The following ETV6 variants were observed in gnomAD, a reference collection of about 807,000 sequenced individuals.
ETV6 encodes ETS variant transcription factor 6.
In ETV6, 16 loss-of-function variants were observed where a neutral mutation model predicts 51.1. That is an observed-to-expected ratio of 0.31 (90% CI 0.21 to 0.48). ETV6 has a LOEUF of 0.48. Among genes scored for constraint, ETV6 ranks in the 20% least tolerant of loss-of-function variants. The pLI is 0.99. For missense variants in ETV6, 458 were observed against 594.8 expected (o/e 0.77, Z 2.39); for synonymous variants, 240 against 224.1 (o/e 1.07, Z -0.64).
At chr12:11,838,331 C>G (rs1349996615) in intron 2 of ETV6, among the ~76,000 whole-genome samples, 1 of 152,180 alleles carries the variant, frequency 6.6e-6, no homozygotes, top group Non-Finnish European at 1.5e-5. Context: ...TCAAAGATTT[C>G]TCACAACAGC....
chr12:11,849,010 G>T (rs527809222), intron 3 of ETV6, among the ~76,000 whole-genome samples: 1 of 152,352 alleles, frequency 6.6e-6, no homozygotes, highest in South Asian at 2.1e-4. Context: ...CATTAGCTAA[G>T]TTAGATATAC....
At chr12:11,881,648 A>G (rs1369375389) in intron 5 of ETV6, among the ~76,000 whole-genome samples, 1 of 152,030 alleles carries the variant, frequency 6.6e-6, no homozygotes, top group African/African-American at 2.4e-5. Flanking sequence ...AGACCTAATC[A>G]CCTCCCAAAG....
At position 11,752,598 on chromosome 12, in the gene ETV6, A is replaced by C. The variant is rs751215241; in HGVS notation, c.163+19A>C. The C allele has an allele frequency of 6.2e-7, 1 of 1,601,624 alleles. No individual in the cohort carries two copies. The highest frequency in any genetic ancestry group is 1.7e-5 in the Admixed American group (1 of 59,844). ...CACCTGCGTGAGTGTTCGTGACCCG[A>C]GAGGGACAGAGGATTGATGGCGTGG... On this transcript the variant is annotated intron_variant, in intron 2 of 7. Transcript: ENST00000396373.
chr12:11,801,095 C>G (rs890155044), intron 2 of ETV6, among the ~76,000 whole-genome samples: 7 of 152,184 alleles, frequency 4.6e-5, no homozygotes, highest in Admixed American at 3.3e-4. Context: ...TTTGTCCTCA[C>G]TCATCCCATG....
intron 1 of ETV6, among the ~76,000 whole-genome samples, chr12:11,730,247 C>G (rs1284489565): frequency 6.6e-6 from 1 of 152,206 alleles, no homozygotes; most frequent in Admixed American, 6.5e-5. Context: ...GTCTAGGCAG[C>G]CTTTGTAGGC....
In ETV6 at chr12:11,894,277, G is replaced by A. The variant is rs75672295; in HGVS notation, c.*3231G>A. The stretch of plus-strand genomic sequence containing the variant: ...GGAGAGGAAAATGCAAAGGAGCCCT[G>A]CCGTGTGATGGATGTGCATTCTCAC... On this transcript the variant is annotated 3_prime_UTR_variant, in exon 8 of 8. Transcript: ENST00000396373. The A allele has an allele frequency of 2.3e-3, 539 of 232,918 alleles. 12 individuals are homozygous for A. The East Asian group carries it at 0.025, about 11-fold the overall frequency. 14.4% of individuals were successfully genotyped at this position (232,918 alleles called of 1,614,324 possible).
At chr12:11,786,963 C>T (rs1945495767) in intron 2 of ETV6, among the ~76,000 whole-genome samples, 1 of 152,194 alleles carries the variant, frequency 6.6e-6, no homozygotes, top group Non-Finnish European at 1.5e-5. Flanking sequence ...TGATCAAACG[C>T]TGAAATGACT....
At chr12:11,734,961 C>T (rs533117265) in intron 1 of ETV6, among the ~76,000 whole-genome samples, 7 of 152,148 alleles carry the variant, frequency 4.6e-5, no homozygotes, top group South Asian at 2.1e-4. Flanking sequence ...TGAAACCTTT[C>T]GTCTCTAAAG....
At chr12:11,760,789 C>T (rs1054968225) in intron 2 of ETV6, among the ~76,000 whole-genome samples, 4 of 151,632 alleles carry the variant, frequency 2.6e-5, no homozygotes, top group African/African-American at 7.3e-5. Flanking sequence ...TGAGGTCAAC[C>T]GTGTTTAAGA....
intron 2 of ETV6, among the ~76,000 whole-genome samples, chr12:11,759,652 T>C (rs1179119464): frequency 6.6e-6 from 1 of 152,226 alleles, no homozygotes; most frequent in Non-Finnish European, 1.5e-5. Context: ...AATACGTCTG[T>C]GGTCTTTCTC....
At position 11,813,355 on chromosome 12, in the gene ETV6, G is replaced by A. The variant is rs76969504; in HGVS notation, c.164-25785G>A. ...GGAAACCTTCCTGCCTGCAGCACAG[G>A]CAGTGTGAACTGCGGGGCTGTCTGA... On this transcript the variant is annotated intron_variant, in intron 2 of 7. Coordinates refer to ENST00000396373, the MANE Select transcript of ETV6 (RefSeq NM_001987.5). Among the ~76,000 whole-genome samples the A allele has an allele frequency of 6.3e-4, 96 of 152,282 alleles. 1 individual carries two copies. The highest frequency in any genetic ancestry group is 2.3e-3 in the African/African-American group (94 of 41,560).
At chr12:11,704,305 T>C (rs1295205795) in intron 1 of ETV6, among the ~76,000 whole-genome samples, 1 of 151,876 alleles carries the variant, frequency 6.6e-6, no homozygotes, top group South Asian at 2.1e-4. Context: ...AAGAAGGAAG[T>C]GGAGGGGATA....
At chr12:11,704,086 G>T (rs1865030539) in intron 1 of ETV6, among the ~76,000 whole-genome samples, 1 of 151,790 alleles carries the variant, frequency 6.6e-6, no homozygotes, top group Non-Finnish European at 1.5e-5. Flanking sequence ...CATGTATTTT[G>T]TCTGTTTACT....
chr12:11,701,841 G>T (rs1466388896), intron 1 of ETV6, among the ~76,000 whole-genome samples: 3 of 152,158 alleles, frequency 2.0e-5, no homozygotes, highest in East Asian at 1.9e-4. Context: ...CAAAGGAGAG[G>T]TCATATTTCA....
intron 1 of ETV6, among the ~76,000 whole-genome samples, chr12:11,738,045 G>A (rs554388312): frequency 1.1e-4 from 17 of 152,154 alleles, no homozygotes; most frequent in Non-Finnish European, 7.4e-5. Context: ...GGTTAGTCTC[G>A]GTAAGAGGTT....
rs375945066 is a variant in ETV6, at chr12:11,650,107, T to A, written c.-21T>A. 2 of 1,612,902 alleles carry A rather than the reference T, an allele frequency of 1.2e-6. No homozygotes were observed. The highest frequency in any genetic ancestry group is 1.7e-6 in the Non-Finnish European group (2 of 1,178,996). On this transcript the variant is annotated 5_prime_UTR_variant, in exon 1 of 8. An upstream open reading frame in the 5' UTR loses its in-frame stop. Transcript: ENST00000396373. ...AAGTGGAAAAAACCTGAGAACTTCCTGATCTCTCTCGCTGTGAGACATGTC... is the reference window on the plus strand; with the variant it reads ...AAGTGGAAAAAACCTGAGAACTTCCAGATCTCTCTCGCTGTGAGACATGTC...
chr12:11,752,467 T>C lies in ETV6; in HGVS notation c.51T>C (p.Tyr17=), dbSNP rs144055004. The C allele has an allele frequency of 6.2e-6, 10 of 1,612,646 alleles. No homozygotes were observed. The highest frequency in any genetic ancestry group is 2.7e-5 in the African/African-American group (2 of 74,868). ...QCSIKQERIS[Y]TPPESPVPSY... The stretch of plus-strand genomic sequence containing the variant: ...TTTAACAGCAGGAACGAATTTCATA[T>C]ACACCTCCAGAGAGCCCAGTGCCGA... The change falls in exon 2 of 8, where the codon TAT becomes TAC. Residue 17 remains tyrosine (Y), a synonymous_variant. Transcript: ENST00000396373.
chr12:11,727,521 A>G (rs571018380), intron 1 of ETV6, among the ~76,000 whole-genome samples: 1 of 152,354 alleles, frequency 6.6e-6, no homozygotes, highest in Non-Finnish European at 1.5e-5. Flanking sequence ...AGCCATAATC[A>G]TCCTAAAGAA....
intron 2 of ETV6, among the ~76,000 whole-genome samples, chr12:11,805,996 T>C (rs1437612702): frequency 1.3e-5 from 2 of 152,264 alleles, no homozygotes; most frequent in African/African-American, 4.8e-5. Context: ...AAGGGCAGAC[T>C]GTATACCTTG....
Sources: gnomAD v4.1 joint callset for allele counts (sites outside exome capture counted in the v4.1 genomes callset) on GRCh38, gnomAD v4.1.1 for gene constraint, MANE v1.5 for transcripts, NCBI Gene and HGNC (gene_info 2026-07-23, HGNC 2026-07-21) for gene names.